Variants in DCAF17 observed in about 807,000 individuals in gnomAD.
DCAF17 encodes DDB1- and CUL4-associated factor 17.
In DCAF17, 48 loss-of-function variants were observed where a neutral mutation model predicts 66.0. The observed-to-expected ratio is 0.73, with a 90% CI of 0.58 to 0.92. The LOEUF is 0.92. Ranked by LOEUF, DCAF17 falls within the 40% of genes least tolerant of loss-of-function variation. The pLI is 0.00. For synonymous variants in DCAF17, 206 were observed against 214.6 expected (o/e 0.96, Z 0.35); for missense variants, 562 against 622.8 (o/e 0.90, Z 1.04).
chr2:171,457,437 A>G (rs759779779), intron 6 of DCAF17, among the ~76,000 whole-genome samples: 3 of 152,260 alleles, frequency 2.0e-5, no homozygotes, highest in Admixed American at 6.5e-5. Flanking sequence ...ATAGAAAAAT[A>G]TGCAATTAGA....
intron 2 of DCAF17, among the ~76,000 whole-genome samples, chr2:171,442,113 G>A (rs528072209): frequency 7.2e-5 from 11 of 152,294 alleles, no homozygotes; most frequent in Middle Eastern, 3.4e-3. Context: ...TTATCCACAG[G>A]TTATAATCGC....
Position 171,457,959 on chromosome 2 carries a change from T to TC in DCAF17, c.628-6dup, listed in dbSNP as rs759651629. ...TCTTTTCTCAGGTGATATCTGTCTTTCCCCCCGCCAGATTTTTGGGAACGT... is the reference window on the plus strand; with the variant it reads ...TCTTTTCTCAGGTGATATCTGTCTTTCCCCCCCGCCAGATTTTTGGGAACGT... On this transcript the variant is annotated splice_polypyrimidine_tract_variant and intron_variant, in intron 6 of 13. Coordinates refer to ENST00000375255, the MANE Select transcript of DCAF17 (RefSeq NM_025000.4). 6.2e-7 allele frequency: 1 copy of TC among 1,602,254 alleles called. No homozygotes were observed.
At chr2:171,436,601 AATGTTTGGT>A (rs1693974721) in intron 2 of DCAF17, among the ~76,000 whole-genome samples, 3 of 151,496 alleles carry the variant, frequency 2.0e-5, no homozygotes, top group Admixed American at 2.0e-4. Flanking sequence ...TCTTTGGAGA[AATGTTTGGT>A]TAGATATTTT....
chr2:171,460,161 A>G (rs1695494499), intron 8 of DCAF17, among the ~76,000 whole-genome samples: 1 of 151,918 alleles, frequency 6.6e-6, no homozygotes, highest in African/African-American at 2.4e-5. Flanking sequence ...CATCTCTACT[A>G]AAAATACAAA....
Position 171,458,390 on chromosome 2 carries a change from G to C in DCAF17, c.751G>C (p.Asp251His). The change falls in exon 8 of 14, where the codon GAC becomes CAC. Residue 251 changes from aspartate (D) to histidine (H), a missense_variant. This residue lies in a region of DCAF17 where 348 missense variants were observed against 355.9 expected (regional missense o/e 0.98). Transcript: ENST00000375255. ...TTTTTAGTTCATGCAACAGAAACTTGACTTAGGGTGTGCATGCAGATGGGG... is the reference window on the plus strand; with the variant it reads ...TTTTTAGTTCATGCAACAGAAACTTCACTTAGGGTGTGCATGCAGATGGGG... ...IAEQFMQQKL[D>H]LGCACRWGGT... is the part of the protein sequence containing the mutation. 1 of 1,613,934 alleles carries C rather than the reference G, an allele frequency of 6.2e-7. No individual in the cohort carries two copies. Among genetic ancestry groups the C allele is most frequent in the Non-Finnish European group, 8.5e-7 (1 of 1,179,912 alleles).
intron 3 of DCAF17, among the ~76,000 whole-genome samples, chr2:171,444,449 A>C (rs947081702): frequency 5.9e-5 from 9 of 152,230 alleles, no homozygotes; most frequent in Non-Finnish European, 1.2e-4. Context: ...AAAATTTAAA[A>C]TATTATGTAA....
At chr2:171,462,083 A>G (rs1167958923) in intron 8 of DCAF17, among the ~76,000 whole-genome samples, 2 of 152,210 alleles carry the variant, frequency 1.3e-5, no homozygotes, top group Non-Finnish European at 2.9e-5. Context: ...TTGTAATCCT[A>G]TCTCACTCTT....
intron 11 of DCAF17, among the ~76,000 whole-genome samples, chr2:171,477,333 G>A (rs1170217574): frequency 6.6e-6 from 1 of 152,040 alleles, no homozygotes; most frequent in Non-Finnish European, 1.5e-5. Flanking sequence ...TATAAATTAA[G>A]ACCACAAAGA....
At position 171,480,110 on chromosome 2, in the gene DCAF17, G is replaced by T. The variant is rs1696673691; in HGVS notation, c.1339G>T (p.Glu447Ter). The T allele has an allele frequency of 6.2e-7, 1 of 1,613,698 alleles. No homozygotes were observed. The highest frequency in any genetic ancestry group is 1.7e-5 in the Admixed American group (1 of 59,978). ...SVVAVTQIDA[E>*]GKAHLDFHCN... The stretch of plus-strand genomic sequence containing the variant: ...GGTAGCTGTTACTCAAATAGATGCT[G>T]AAGGAAAAGCTCACCTGGATTTCCA... The change falls in exon 13 of 14, where the codon GAA becomes TAA. Residue 447 changes from glutamate (E) to a stop codon, truncating the protein, a stop_gained. Transcript: ENST00000375255. LOFTEE classifies it high-confidence loss of function.
chr2:171,477,941 A>G (rs1696572403), intron 11 of DCAF17, 46 bp from the exon 12 acceptor site: 1 of 1,516,592 alleles, frequency 6.6e-7, no homozygotes, highest in Non-Finnish European at 9.2e-7. Flanking sequence ...CTTTGACTGC[A>G]TGTAATAGAA....
At chr2:171,442,826 G>C (rs1031535415) in intron 2 of DCAF17, among the ~76,000 whole-genome samples, 1 of 151,708 alleles carries the variant, frequency 6.6e-6, no homozygotes, top group African/African-American at 2.4e-5. Flanking sequence ...GTTGAAGTGA[G>C]CTAAGATCAT....
rs1217429323 is a variant in DCAF17, at chr2:171,484,014, A to G, written c.*2900A>G. ...AATAATCGTTTTTTACTGATGATTC[A>G]GTGTCTAAATTTTGAACAAATTTGG... On this transcript the variant is annotated 3_prime_UTR_variant, in exon 14 of 14. Coordinates refer to ENST00000375255, the MANE Select transcript of DCAF17 (RefSeq NM_025000.4). The G allele has an allele frequency of 2.2e-6, 1 of 453,914 alleles. No individual in the cohort carries two copies. The highest frequency in any genetic ancestry group is 4.4e-6 in the Non-Finnish European group (1 of 226,728). 28.1% of individuals were successfully genotyped at this position (453,914 alleles called of 1,614,324 possible).
At chr2:171,458,659 A>G (rs1353279813) in intron 8 of DCAF17, among the ~76,000 whole-genome samples, 182 bp downstream of exon 8, 1 of 152,208 alleles carries the variant, frequency 6.6e-6, no homozygotes, top group Non-Finnish European at 1.5e-5. Context: ...TCTGTCAGTT[A>G]TTCATTGAAC....
intron 2 of DCAF17, among the ~76,000 whole-genome samples, chr2:171,438,748 C>T (rs1208880315): frequency 1.3e-5 from 2 of 151,042 alleles, no homozygotes; most frequent in Non-Finnish European, 3.0e-5. Context: ...TTTTTTTTTC[C>T]CCCCCAAAGT....
At chr2:171,460,108 A>T (rs1695488698) in intron 8 of DCAF17, among the ~76,000 whole-genome samples, 1 of 151,938 alleles carries the variant, frequency 6.6e-6, no homozygotes, top group South Asian at 2.1e-4. Context: ...GTGGATCACG[A>T]GGTCAGGAGT....
At position 171,481,791 on chromosome 2, in the gene DCAF17, C is replaced by A. The variant is rs115798465; in HGVS notation, c.*677C>A. The A allele has an allele frequency of 1.6e-3, 746 of 453,320 alleles. 7 individuals carry two copies. The highest frequency in any genetic ancestry group is 0.013 in the African/African-American group (675 of 50,012). 28.1% of individuals were successfully genotyped at this position (453,320 alleles called of 1,614,324 possible). A position where few individuals can be genotyped will look rare whatever the true frequency, so the allele number is the denominator to read the frequency against. On this transcript the variant is annotated 3_prime_UTR_variant, in exon 14 of 14. Transcript: ENST00000375255. ...TCTATATAGGCTAATGTAAAAGATT[C>A]CAAGCAAACCTTAAGTGAAATTGTT...
chr2:171,458,816 C>T (rs977173900), intron 8 of DCAF17, among the ~76,000 whole-genome samples: 18 of 152,032 alleles, frequency 1.2e-4, no homozygotes, highest in East Asian at 7.7e-4. Flanking sequence ...TTTTACAATT[C>T]GATGAAATTT....
In DCAF17 at chr2:171,469,045, A is replaced by C; in HGVS notation, c.981+15A>C. 1 of 1,613,946 alleles carries C rather than the reference A, an allele frequency of 6.2e-7. No individual in the cohort carries two copies. Among genetic ancestry groups the C allele is most frequent in the Non-Finnish European group, 8.5e-7 (1 of 1,179,862 alleles). ...ACAATTCCCTGGTAAATGAGTGATC[A>C]GACTTTTTATTAGCAAATTTGTATC... On this transcript the variant is annotated intron_variant, in intron 9 of 13. Coordinates refer to ENST00000375255, the MANE Select transcript of DCAF17 (RefSeq NM_025000.4).
chr2:171,450,246 T>G (rs1190852522), intron 5 of DCAF17, among the ~76,000 whole-genome samples: 1 of 151,916 alleles, frequency 6.6e-6, no homozygotes, highest in Non-Finnish European at 1.5e-5. Context: ...GGGTGGGAGG[T>G]GGGTGAGGGA....
Sources: gnomAD v4.1 joint callset for allele counts (sites outside exome capture counted in the v4.1 genomes callset) on GRCh38, gnomAD v4.1.1 for gene constraint, gnomAD v4.1.1 regional missense constraint, MANE v1.5 for transcripts, NCBI Gene and HGNC (gene_info 2026-07-23, HGNC 2026-07-21) for gene names.